Variants in NRG1 observed in about 807,000 individuals in gnomAD.
NRG1 encodes the protein neuregulin 1, also known as pro-neuregulin-1, membrane-bound isoform.
Under a neutral mutation model 63.8 loss-of-function variants are expected in NRG1, and 18 were observed. That is an observed-to-expected ratio of 0.28 (90% confidence interval 0.19 to 0.42). NRG1 has a LOEUF of 0.42. Ranked by LOEUF, NRG1 falls within the 10% of genes least tolerant of loss-of-function variation. The pLI, the probability that NRG1 is intolerant of heterozygous loss-of-function variation, is 1.00. For synonymous variants in NRG1, 302 were observed against 301.3 expected (o/e 1.00, Z -0.02); for missense variants, 762 against 814.7 (o/e 0.94, Z 0.79).
At chr8:31,904,106 G>A (rs191431513) in intron 1 of NRG1, among the ~76,000 whole-genome samples, 4 of 152,280 alleles carry the variant, frequency 2.6e-5, no homozygotes, top group Admixed American at 2.0e-4. Context: ...CAAATGTGGT[G>A]CACTTTCCTT....
Position 32,330,915 on chromosome 8 carries a change from T to C in NRG1, c.38-264913T>C, listed in dbSNP as rs189790862. Among the ~76,000 whole-genome samples, 342 of 152,168 alleles carry C rather than the reference T, an allele frequency of 2.2e-3. 2 individuals are homozygous for C. Among genetic ancestry groups the C allele is most frequent in the African/African-American group, 8.0e-3 (332 of 41,466 alleles). ...TGACATTTATTCTCTTCTGATTATA[T>C]TGTTTCTCTCCTGATCTAGAGTTTT... On this transcript the variant is annotated intron_variant, in intron 1 of 10. Coordinates refer to the NRG1 transcript ENST00000519301.
intron 1 of NRG1, among the ~76,000 whole-genome samples, chr8:32,198,284 TCTC>T (rs202083354): frequency 0.013 from 1,983 of 152,214 alleles, 51 homozygotes; most frequent in African/African-American, 0.045. Flanking sequence ...TCCTAGCAAT[TCTC>T]CTGCCTCAGC....
chr8:31,915,298 A>G (rs1833287727), intron 1 of NRG1, among the ~76,000 whole-genome samples: 1 of 152,130 alleles, frequency 6.6e-6, no homozygotes, highest in African/African-American at 2.4e-5. Context: ...AAAATAGCTA[A>G]GACCATAAAT....
At chr8:31,962,442 G>T (rs1805609635) in intron 1 of NRG1, among the ~76,000 whole-genome samples, 1 of 152,124 alleles carries the variant, frequency 6.6e-6, no homozygotes, top group South Asian at 2.1e-4. Flanking sequence ...TTCAAACTTT[G>T]CAAATTACAG....
At chr8:31,971,056 A>G (rs1465519204) in intron 1 of NRG1, among the ~76,000 whole-genome samples, 1 of 152,168 alleles carries the variant, frequency 6.6e-6, no homozygotes, top group African/African-American at 2.4e-5. Context: ...AAGAAAAAAA[A>G]AAAATTATGA....
intron 1 of NRG1, among the ~76,000 whole-genome samples, chr8:32,343,327 T>C (rs1381992526): frequency 3.3e-5 from 5 of 152,218 alleles, no homozygotes; most frequent in African/African-American, 4.8e-5. Context: ...GAGAATAATA[T>C]CATATTTAAT....
At chr8:32,195,855 G>A (rs1348036057) in intron 1 of NRG1, among the ~76,000 whole-genome samples, 1 of 152,120 alleles carries the variant, frequency 6.6e-6, no homozygotes, top group African/African-American at 2.4e-5. Flanking sequence ...AGTTCAAGTG[G>A]TCTTAGTATT....
At chr8:32,524,565 A>T (rs1171005895) in intron 1 of NRG1, among the ~76,000 whole-genome samples, 2 of 152,070 alleles carry the variant, frequency 1.3e-5, no homozygotes, top group Non-Finnish European at 2.9e-5. Context: ...GTCAAGAAAA[A>T]AACATTCCAG....
intron 5 of NRG1, among the ~76,000 whole-genome samples, chr8:32,626,272 A>G (rs1170833688): frequency 6.7e-6 from 1 of 150,226 alleles, no homozygotes; most frequent in East Asian, 1.9e-4. Context: ...AGCAAAGTAA[A>G]AAGTTTAATT....
In NRG1 at chr8:32,179,187, TAA is replaced by T. The variant is rs35411561; in HGVS notation, c.38-416616_38-416615del. 2.9e-3 allele frequency among the ~76,000 whole-genome samples: 192 copies of T among 66,496 alleles called. 1 individual carries two copies. Among genetic ancestry groups the T allele is most frequent in the Middle Eastern group, 0.027 (2 of 74 alleles). 43.6% of individuals were successfully genotyped at this position (66,496 alleles called of 152,430 possible). A position where few individuals can be genotyped will look rare whatever the true frequency, so the allele number is the denominator to read the frequency against. On this transcript the variant is annotated intron_variant, in intron 1 of 10. Transcript: ENST00000519301. ...CCTTCTTCCCAACGTCTCACAGTCATAAAAAAAAAAAAAAAAAAAAAAAAAAG... is the reference window on the plus strand; with the variant it reads ...CCTTCTTCCCAACGTCTCACAGTCATAAAAAAAAAAAAAAAAAAAAAAAAG...
intron 1 of NRG1, among the ~76,000 whole-genome samples, chr8:32,048,454 T>C (rs1386116739): frequency 0.075 from 458 of 6,124 alleles, 13 homozygotes; most frequent in Admixed American, 0.18. Flanking sequence ...TACATATATA[T>C]ATATATATAT....
intron 5 of NRG1, among the ~76,000 whole-genome samples, chr8:32,661,721 T>C (rs1326843791): frequency 6.6e-6 from 1 of 152,086 alleles, no homozygotes. Context: ...ATATTCTTTA[T>C]TGAGTGCCTG....
At chr8:32,329,103 A>G (rs565211521) in intron 1 of NRG1, among the ~76,000 whole-genome samples, 105 of 152,242 alleles carry the variant, frequency 6.9e-4, no homozygotes, top group South Asian at 1.2e-3. Context: ...AGTAGCTGGC[A>G]CTATGGGCAT....
chr8:32,494,847 C>A (rs368337609), intron 1 of NRG1, among the ~76,000 whole-genome samples: 2 of 138,170 alleles, frequency 1.4e-5, no homozygotes, highest in Non-Finnish European at 1.7e-5. Context: ...TTATGTACAC[C>A]CCCTGTTTCC....
At chr8:32,455,973 AG>A (rs1392446074) in intron 1 of NRG1, among the ~76,000 whole-genome samples, 1 of 152,154 alleles carries the variant, frequency 6.6e-6, no homozygotes, top group African/African-American at 2.4e-5. Context: ...TAGCAGAGAC[AG>A]GTTTTCACCA....
intron 5 of NRG1, among the ~76,000 whole-genome samples, chr8:32,701,036 T>C (rs931634268): frequency 6.6e-6 from 1 of 152,148 alleles, no homozygotes; most frequent in African/African-American, 2.4e-5. Context: ...AATTAACTTA[T>C]CATCCTTCAA....
At chr8:32,292,272 AG>A (rs1854295417) in intron 1 of NRG1, among the ~76,000 whole-genome samples, 1 of 152,224 alleles carries the variant, frequency 6.6e-6, no homozygotes, top group Admixed American at 6.5e-5. Flanking sequence ...TTATTCCAAA[AG>A]ATTGAATAAA....
intron 1 of NRG1, among the ~76,000 whole-genome samples, chr8:31,891,383 A>G (rs1326774837): frequency 6.6e-6 from 1 of 152,176 alleles, no homozygotes; most frequent in East Asian, 1.9e-4. Flanking sequence ...AGCACATGAA[A>G]AGATGTTCAA....
intron 5 of NRG1, among the ~76,000 whole-genome samples, chr8:32,719,175 T>C (rs908372943): frequency 2.6e-5 from 4 of 152,120 alleles, no homozygotes; most frequent in Admixed American, 6.6e-5. Context: ...AGAATATCAT[T>C]CTAGTTTTAC....
Sources: allele counts gnomAD v4.1 joint callset (sites outside exome capture counted in the v4.1 genomes callset), GRCh38; gene constraint gnomAD v4.1.1; transcripts MANE v1.5; gene names NCBI Gene and HGNC (gene_info 2026-07-23, HGNC 2026-07-21).